NRXN1: variants seen among roughly 807,000 people sequenced by gnomAD.
The protein encoded by NRXN1 is neurexin-1.
NRXN1 carries 39 observed loss-of-function variants against 150.9 expected under a neutral mutation model. That is an observed-to-expected ratio of 0.26 (90% CI 0.20 to 0.34). The LOEUF (loss-of-function observed/expected upper bound fraction) is 0.34. NRXN1 is among the 10% of genes least tolerant of loss of function. The pLI is 1.00. For synonymous variants in NRXN1, 924 were observed against 757.0 expected, an observed-to-expected ratio of 1.22 and a Z score of -3.62; for missense variants, 1,815 against 1,949.9, an observed-to-expected ratio of 0.93 and a Z score of 1.30.
chr2:50,315,099 A>T (rs926678863), intron 17 of NRXN1, among the ~76,000 whole-genome samples: 5 of 152,004 alleles, frequency 3.3e-5, no homozygotes, highest in African/African-American at 7.2e-5. Flanking sequence ...TTCTTTTTTT[A>T]AAAGCCATAA....
chr2:51,026,261 G>A, intron 2 of NRXN1: 1 of 706,302 alleles, frequency 1.4e-6, no homozygotes, highest in Non-Finnish European at 2.5e-6. Context: ...AGCCACAAAT[G>A]CCATTTATCC....
intron 21 of NRXN1, among the ~76,000 whole-genome samples, chr2:49,987,080 C>T (rs1159597822): frequency 6.6e-6 from 1 of 151,892 alleles, no homozygotes; most frequent in Non-Finnish European, 1.5e-5. Context: ...TTATTATTAA[C>T]CATATTTACC....
chr2:50,596,475 C>G (rs1038584961), intron 8 of NRXN1, among the ~76,000 whole-genome samples: 3 of 152,124 alleles, frequency 2.0e-5, no homozygotes, highest in Non-Finnish European at 2.9e-5. Flanking sequence ...ACAGATAAAT[C>G]ACATTAAAAG....
chr2:50,376,689 T>C (rs2080523500), intron 17 of NRXN1, among the ~76,000 whole-genome samples: 1 of 152,168 alleles, frequency 6.6e-6, no homozygotes, highest in Admixed American at 6.6e-5. Flanking sequence ...TAGAGATAAT[T>C]TTCTCTGTGG....
chr2:50,317,490 G>T (rs902184239), intron 17 of NRXN1, among the ~76,000 whole-genome samples: 5 of 151,656 alleles, frequency 3.3e-5, no homozygotes, highest in African/African-American at 7.3e-5. Flanking sequence ...AGAGACAACA[G>T]CTGTTCTATT....
At chr2:50,986,728 C>T (rs904683366) in intron 2 of NRXN1, among the ~76,000 whole-genome samples, 1 of 84,082 alleles carries the variant, frequency 1.2e-5, no homozygotes, top group African/African-American at 6.2e-5. Flanking sequence ...AATATAATTG[C>T]CAAATATTCA....
chr2:50,026,261 G>A (rs934568513), intron 21 of NRXN1, among the ~76,000 whole-genome samples: 9 of 152,132 alleles, frequency 5.9e-5, no homozygotes, highest in South Asian at 2.1e-4. Flanking sequence ...CTGAAACACC[G>A]TAATTTTTGA....
At chr2:50,518,119 C>T (rs114036477) in intron 12 of NRXN1, among the ~76,000 whole-genome samples, 118 of 152,104 alleles carry the variant, frequency 7.8e-4, no homozygotes, top group Middle Eastern at 3.4e-3. Flanking sequence ...GAAAAACATA[C>T]ATTTTAAGAA....
intron 17 of NRXN1, among the ~76,000 whole-genome samples, chr2:50,253,873 C>CT (rs34891434): frequency 0.12 from 18,614 of 150,728 alleles, 1,285 homozygotes; most frequent in African/African-American, 0.14. Flanking sequence ...CTGAAGTTTT[C>CT]TTTTTTTTTG....
intron 5 of NRXN1, among the ~76,000 whole-genome samples, chr2:50,823,812 CAG>C (rs900590017): frequency 9.2e-5 from 14 of 152,188 alleles, no homozygotes; most frequent in South Asian, 6.2e-4. Context: ...AAGAATCAAA[CAG>C]AGATTTATGA....
intron 2 of NRXN1, among the ~76,000 whole-genome samples, chr2:51,005,559 C>A (rs181680646): frequency 7.2e-5 from 11 of 151,878 alleles, no homozygotes; most frequent in Non-Finnish European, 1.5e-4. Context: ...GAAAGTCTCA[C>A]ATATGGAAGT....
chr2:50,176,157 G>A (rs535881433), intron 18 of NRXN1, among the ~76,000 whole-genome samples: 19 of 152,158 alleles, frequency 1.2e-4, no homozygotes, highest in Admixed American at 7.9e-4. Flanking sequence ...CACCATACAA[G>A]TTAAGAAAAC....
rs563368623 is a variant in NRXN1 at position 50,115,396 on chromosome 2, G to C, written c.3547-23902C>G. Among the ~76,000 whole-genome samples the C allele has an allele frequency of 4.6e-5, 7 of 151,816 alleles. No homozygotes were observed. In the South Asian group the frequency reaches 1.5e-3, roughly 32 times the overall value. ...TTACGTAATACCAACAGGAATCAAT[G>C]TTTCTTCAGCACAAACTGATTTTGG... On this transcript the variant is annotated intron_variant, in intron 18 of 22. Coordinates refer to ENST00000401669, the MANE Select transcript of NRXN1 (RefSeq NM_001330078.2).
At chr2:50,949,875 A>C (rs1691017194) in intron 2 of NRXN1, among the ~76,000 whole-genome samples, 2 of 152,136 alleles carry the variant, frequency 1.3e-5, no homozygotes, top group East Asian at 3.8e-4. Context: ...TCTTGGTATT[A>C]TATGTCTCAT....
intron 17 of NRXN1, among the ~76,000 whole-genome samples, chr2:50,245,065 T>A (rs2066373011): frequency 6.6e-6 from 1 of 151,992 alleles, no homozygotes; most frequent in African/African-American, 2.4e-5. Context: ...GTCCACTTAG[T>A]GGTATCTTTG....
Position 50,621,266 on chromosome 2 carries a change from G to T in NRXN1, c.1135-17C>A. 6.4e-7 allele frequency: 1 copy of T among 1,559,346 alleles called. No individual in the cohort carries two copies. The highest frequency in any genetic ancestry group is 8.7e-7 in the Non-Finnish European group (1 of 1,148,386). ...GCCTGAGTGCTTTGTGGAGAAGGGG[G>T]GAGAAAGGAAATTAAAAACTGTGAA... On this transcript the variant is annotated splice_polypyrimidine_tract_variant and intron_variant, in intron 6 of 22. Transcript: ENST00000401669.
intron 19 of NRXN1, among the ~76,000 whole-genome samples, chr2:50,059,355 C>A (rs6720724): frequency 1.2e-4 from 19 of 152,116 alleles, no homozygotes; most frequent in African/African-American, 4.3e-4. Context: ...GTGTTCAAGA[C>A]GTGACTTGTG....
intron 9 of NRXN1, among the ~76,000 whole-genome samples, chr2:50,549,585 T>G (rs1347007346): frequency 6.6e-6 from 1 of 152,178 alleles, no homozygotes; most frequent in Non-Finnish European, 1.5e-5. Context: ...AAACAACACT[T>G]CCTTAGAACG....
At chr2:50,610,410 C>T (rs1379243021) in intron 8 of NRXN1, among the ~76,000 whole-genome samples, 1 of 151,540 alleles carries the variant, frequency 6.6e-6, no homozygotes, top group Non-Finnish European at 1.5e-5. Context: ...GAGAGACAAA[C>T]TCAGATTACT....
Sources: gnomAD v4.1 joint callset for allele counts (sites outside exome capture counted in the v4.1 genomes callset) on GRCh38, gnomAD v4.1.1 for gene constraint, MANE v1.5 for transcripts, NCBI Gene and HGNC (gene_info 2026-07-23, HGNC 2026-07-21) for gene names.